Variants in UBN2 observed in about 807,000 individuals in gnomAD.
The protein encoded by UBN2 is ubinuclein-2.
UBN2 carries 35 observed loss-of-function variants against 120.2 expected under a neutral mutation model. The ratio of observed to expected loss-of-function variants is 0.29; its 90% confidence interval spans 0.22 to 0.39. The LOEUF is 0.39. Among genes scored for constraint, UBN2 ranks in the 10% least tolerant of loss-of-function variants. The pLI, the probability that UBN2 is intolerant of heterozygous loss-of-function variation, is 1.00. For synonymous variants in UBN2, 661 were observed against 648.7 expected, an observed-to-expected ratio of 1.02 and a Z score of -0.29; for missense variants, 1,693 against 1,663.2, an observed-to-expected ratio of 1.02 and a Z score of -0.31.
At chr7:139,271,667 G>A (rs1387621907) in intron 8 of UBN2, among the ~76,000 whole-genome samples, 1 of 152,118 alleles carries the variant, frequency 6.6e-6, no homozygotes, top group East Asian at 1.9e-4. Context: ...TATGTTTTAA[G>A]TAGTTACATA....
At position 139,266,419 on chromosome 7, in the gene UBN2, TAAA is replaced by T; in HGVS notation, c.1466+25_1466+27del. Reference sequence around the variant, plus strand: ...TTCTTCTGGAGTAAGTAATTTTCTTTAAAAAAAAAAACCTTAAGAATGATACAT... The same window carrying T: ...TTCTTCTGGAGTAAGTAATTTTCTTTAAAAAAAACCTTAAGAATGATACAT... On this transcript the variant is annotated intron_variant, in intron 7 of 17. Transcript: ENST00000473989. 2 of 1,108,964 alleles carry T rather than the reference TAAA, an allele frequency of 1.8e-6. No individual in the cohort carries two copies. The highest frequency in any genetic ancestry group is 2.9e-5 in the East Asian group (1 of 33,978). 68.7% of individuals were successfully genotyped at this position (1,108,964 alleles called of 1,614,324 possible).
chr7:139,279,381 TTTAA>T (rs1205705082), intron 13 of UBN2, 21 bp downstream of exon 13: 1 of 1,570,788 alleles, frequency 6.4e-7, no homozygotes, highest in Non-Finnish European at 8.7e-7. Context: ...AAACAAAATA[TTTAA>T]TTAGTTATAG....
At chr7:139,249,929 G>A (rs1317964962) in intron 2 of UBN2, among the ~76,000 whole-genome samples, 1 of 151,998 alleles carries the variant, frequency 6.6e-6, no homozygotes, top group African/African-American at 2.4e-5. Context: ...TCAAACTCCT[G>A]GGCTCTCGCA....
At chr7:139,275,074 T>C (rs571331545) in intron 11 of UBN2, among the ~76,000 whole-genome samples, 2 of 148,638 alleles carry the variant, frequency 1.3e-5, no homozygotes, top group Admixed American at 1.3e-4. Flanking sequence ...GGTCCGGAGT[T>C]CAAGACCAGC....
intron 4 of UBN2, among the ~76,000 whole-genome samples, chr7:139,258,827 T>C (rs1365746117): frequency 6.6e-6 from 1 of 152,210 alleles, no homozygotes; most frequent in East Asian, 1.9e-4. Context: ...TATTTTCTTA[T>C]AAAAACTTCT....
intron 6 of UBN2, among the ~76,000 whole-genome samples, chr7:139,264,675 G>A (rs1052208105): frequency 3.3e-5 from 5 of 152,004 alleles, no homozygotes; most frequent in East Asian, 1.9e-4. Flanking sequence ...TGCAACCTCC[G>A]CCTCCCGGGT....
At chr7:139,286,317 G>A (rs1008343078) in intron 15 of UBN2, among the ~76,000 whole-genome samples, 3 of 152,110 alleles carry the variant, frequency 2.0e-5, no homozygotes, top group Non-Finnish European at 2.9e-5. Context: ...GCCCGCTTCC[G>A]CCTCCCAAAG....
At chr7:139,285,815 T>C (rs1797769730) in intron 15 of UBN2, among the ~76,000 whole-genome samples, 1 of 152,126 alleles carries the variant, frequency 6.6e-6, no homozygotes, top group Non-Finnish European at 1.5e-5. Flanking sequence ...CAATCTTGGC[T>C]CACTGCAACC....
intron 6 of UBN2, among the ~76,000 whole-genome samples, chr7:139,263,398 T>C (rs537764889): frequency 5.3e-5 from 8 of 152,248 alleles, no homozygotes; most frequent in Non-Finnish European, 8.8e-5. Context: ...GGGAACAGTA[T>C]CTTGTTTTTT....
At chr7:139,271,129 A>G (rs1797258591) in intron 8 of UBN2, among the ~76,000 whole-genome samples, 1 of 152,106 alleles carries the variant, frequency 6.6e-6, no homozygotes, top group African/African-American at 2.4e-5. Flanking sequence ...GTGCTATAAT[A>G]TTTATTTACT....
chr7:139,262,849 A>G (rs967959610), intron 6 of UBN2, among the ~76,000 whole-genome samples: 5 of 152,016 alleles, frequency 3.3e-5, no homozygotes, highest in Non-Finnish European at 7.4e-5. Context: ...TTGTTATTCC[A>G]TGTGGCCCCA....
the UBN2 span, among the ~76,000 whole-genome samples, chr7:139,319,903 C>A: frequency 6.6e-6 from 1 of 151,928 alleles, no homozygotes; most frequent in South Asian, 2.1e-4. Flanking sequence ...GGTGAAACCC[C>A]GTCTCTACTA....
chr7:139,280,417 T>C (rs911529231), intron 13 of UBN2, among the ~76,000 whole-genome samples: 3 of 152,186 alleles, frequency 2.0e-5, no homozygotes, highest in Non-Finnish European at 2.9e-5. Context: ...GTAAAAACTA[T>C]AATCATTTGA....
the UBN2 span, among the ~76,000 whole-genome samples, chr7:139,325,466 A>G: frequency 1.3e-5 from 2 of 151,910 alleles, no homozygotes; most frequent in African/African-American, 4.8e-5. Flanking sequence ...AAAGGGTTTC[A>G]CCATGTTGGC....
intron 6 of UBN2, among the ~76,000 whole-genome samples, chr7:139,261,944 CTTTCTTT>C (rs1796948750): frequency 7.0e-6 from 1 of 141,970 alleles, no homozygotes; most frequent in South Asian, 2.2e-4. Context: ...TTCTTTCTTT[CTTTCTTT>C]TTTTTTTTTT....
At chr7:139,253,966 G>A (rs1796688647) in intron 3 of UBN2, among the ~76,000 whole-genome samples, 1 of 152,168 alleles carries the variant, frequency 6.6e-6, no homozygotes, top group South Asian at 2.1e-4. Flanking sequence ...TCAACATGAG[G>A]CACATTGGAT....
downstream of UBN2, among the ~76,000 whole-genome samples, chr7:139,310,752 G>A (rs183385282): frequency 2.0e-5 from 3 of 152,318 alleles, no homozygotes; most frequent in African/African-American, 4.8e-5. Context: ...CAGCCTGGGC[G>A]ACAGAGTGAG....
At chr7:139,309,155 G>A (rs1055837475), downstream of UBN2, among the ~76,000 whole-genome samples, 3 of 152,330 alleles carry the variant, frequency 2.0e-5, no homozygotes, top group African/African-American at 2.4e-5. Flanking sequence ...ATAAGTGTAC[G>A]TGTGATCTGC....
At chr7:139,313,268 A>AT in the UBN2 span, among the ~76,000 whole-genome samples, 19 of 152,012 alleles carry the variant, frequency 1.2e-4, no homozygotes, top group African/African-American at 1.9e-4. Context: ...TAAGTTACAG[A>AT]TTTTTTTTGT....
Sources: gnomAD v4.1 joint callset for allele counts (sites outside exome capture counted in the v4.1 genomes callset) on GRCh38, gnomAD v4.1.1 for gene constraint, MANE v1.5 for transcripts, NCBI Gene and HGNC (gene_info 2026-07-23, HGNC 2026-07-21) for gene names.